The following JAKMIP1 variants were observed in gnomAD, a reference collection of about 807,000 sequenced individuals.
JAKMIP1 encodes janus kinase and microtubule-interacting protein 1.
Under a neutral mutation model 113.0 loss-of-function variants are expected in JAKMIP1, and 33 were observed. The observed-to-expected ratio is 0.29, with a 90% CI of 0.22 to 0.39. The LOEUF (loss-of-function observed/expected upper bound fraction) is 0.39, where lower values mean the gene tolerates loss of function less well. Among genes scored for constraint, JAKMIP1 ranks in the 10% least tolerant of loss-of-function variants. The pLI is 1.00. For missense variants in JAKMIP1, 813 were observed against 1,080.5 expected (o/e 0.75, Z 3.47); for synonymous variants, 480 against 459.9 (o/e 1.04, Z -0.56).
At position 6,118,816 on chromosome 4, in the gene JAKMIP1, AAG is replaced by A. The variant is rs774519097; in HGVS notation, c.-147-5821_-147-5820del. Among the ~76,000 whole-genome samples the A allele has an allele frequency of 9.7e-3, 1,481 of 152,282 alleles. 12 individuals carry two copies. Among genetic ancestry groups the A allele is most frequent in the Middle Eastern group, 0.031 (9 of 294 alleles). On this transcript the variant is annotated intron_variant, in intron 1 of 20. Coordinates refer to ENST00000409021, the MANE Select transcript of JAKMIP1 (RefSeq NM_001099433.2). ...GAGGCGGGCTGAATCGTGGCCCCCAAAGAAATACGATCACATCCTGCTCCCCA... is the reference window on the plus strand; with the variant it reads ...GAGGCGGGCTGAATCGTGGCCCCCAAAAATACGATCACATCCTGCTCCCCA...
chr4:6,110,746 G>C (rs1456402043), intron 2 of JAKMIP1, among the ~76,000 whole-genome samples: 1 of 149,886 alleles, frequency 6.7e-6, no homozygotes, highest in Non-Finnish European at 1.5e-5. Flanking sequence ...TGAGGCAGGG[G>C]GTTACACAGC....
chr4:6,034,348 G>C (rs192393353), intron 19 of JAKMIP1, among the ~76,000 whole-genome samples: 1 of 152,054 alleles, frequency 6.6e-6, no homozygotes, highest in East Asian at 1.9e-4. Context: ...TTCAGAGCCC[G>C]GCCGTCTGGT....
Position 6,084,958 on chromosome 4 carries a change from T to C in JAKMIP1, c.842A>G (p.His281Arg), listed in dbSNP as rs758012106. Residue 281 changes from histidine (H) to arginine (R), a missense_variant, in exon 5 of 21, where the codon CAT becomes CGT. Around this residue, in one of 2 missense-constraint regions of JAKMIP1, gnomAD observed 540 missense variants for 653.9 expected, o/e 0.83. Coordinates refer to ENST00000409021, the MANE Select transcript of JAKMIP1 (RefSeq NM_001099433.2). Reference sequence around the variant, plus strand: ...TCGCCTCACATCTCGCTCGTCCATATGTTGATCCTAAAAAAAAAAAAAAAA... The same window carrying C: ...TCGCCTCACATCTCGCTCGTCCATACGTTGATCCTAAAAAAAAAAAAAAAA... Reference protein sequence around the residue: ...MVELMGVQDQHMDERDVRRFQ... With the variant: ...MVELMGVQDQRMDERDVRRFQ... The C allele has an allele frequency of 2.4e-5, 37 of 1,528,158 alleles. No individual in the cohort carries two copies. Among genetic ancestry groups the C allele is most frequent in the Non-Finnish European group, 3.1e-5 (36 of 1,153,094 alleles). The allele number at this position is 1,528,158 out of a possible 1,614,324, so 94.7% of individuals were successfully genotyped here.
At chr4:6,074,718 C>A (rs116283250) in intron 8 of JAKMIP1, among the ~76,000 whole-genome samples, 1 of 152,164 alleles carries the variant, frequency 6.6e-6, no homozygotes, top group Non-Finnish European at 1.5e-5. Flanking sequence ...CCCTGTAAAC[C>A]CAGTTATGTG....
At chr4:6,104,002 T>C (rs992161970) in intron 3 of JAKMIP1, among the ~76,000 whole-genome samples, 2 of 152,244 alleles carry the variant, frequency 1.3e-5, no homozygotes, top group Non-Finnish European at 2.9e-5. Context: ...TTCTACTCTC[T>C]GGAGTTTAAT....
intron 19 of JAKMIP1, among the ~76,000 whole-genome samples, chr4:6,034,356 G>A (rs1247465812): frequency 2.0e-5 from 3 of 152,218 alleles, no homozygotes; most frequent in African/African-American, 7.2e-5. Flanking sequence ...CCGGCCGTCT[G>A]GTCCCAGTGT....
chr4:6,182,235 C>A (rs11946920), intron 1 of JAKMIP1, among the ~76,000 whole-genome samples: 1 of 151,516 alleles, frequency 6.6e-6, no homozygotes, highest in African/African-American at 2.4e-5. Context: ...CATAATGAGA[C>A]CTCATCTCTA....
In JAKMIP1 at chr4:6,040,670, T is replaced by C; in HGVS notation, c.2144A>G (p.Tyr715Cys). ...AGCCTGGTCAAGGGCTTGCTTCCGG[T>C]AGTCGAGCTCCTCTTCCAGGTAGCC... ...QKGYLEEELD[Y>C]RKQALDQAYL... The change falls in exon 18 of 21, where the codon TAC (tyrosine) becomes TGC (cysteine). Residue 715 changes from tyrosine (Y) to cysteine (C), a missense_variant. By Grantham distance (194) the Tyr-to-Cys change is radical (BLOSUM62 -2). Transcript: ENST00000409021. The surrounding 1 kb of genome is among the most constrained non-coding windows in gnomAD (Gnocchi z 5.8). 1 of 1,613,634 alleles carries C rather than the reference T, an allele frequency of 6.2e-7. No homozygotes were observed. The highest frequency in any genetic ancestry group is 8.5e-7 in the Non-Finnish European group (1 of 1,179,750).
chr4:6,112,955 G>A lies in JAKMIP1; in HGVS notation c.-105C>T, dbSNP rs1715201813. The A allele has an allele frequency of 1.4e-6, 2 of 1,454,210 alleles. No homozygotes were observed. Among genetic ancestry groups the A allele is most frequent in the Admixed American group, 4.6e-5 (2 of 43,068 alleles). The allele number at this position is 1,454,210 out of a possible 1,614,324, so 90.1% of individuals were successfully genotyped here. A position where few individuals can be genotyped will look rare whatever the true frequency, so the allele number is the denominator to read the frequency against. ...CTCCACCGTGCTAACCAGTCGCGCA[G>A]GACTCAGCTCGCCCTCCGAGGAAAC... is the stretch of plus-strand genomic sequence containing the variant. On this transcript the variant is annotated 5_prime_UTR_variant, in exon 2 of 21. Coordinates refer to ENST00000409021, the MANE Select transcript of JAKMIP1 (RefSeq NM_001099433.2).
At chr4:6,182,238 C>T (rs1353849487) in intron 1 of JAKMIP1, among the ~76,000 whole-genome samples, 2 of 151,512 alleles carry the variant, frequency 1.3e-5, no homozygotes, top group African/African-American at 4.9e-5. Context: ...AATGAGACCT[C>T]ATCTCTACAA....
chr4:6,121,673 A>G (rs780112913), intron 1 of JAKMIP1, among the ~76,000 whole-genome samples: 49 of 152,364 alleles, frequency 3.2e-4, no homozygotes, highest in Non-Finnish European at 5.9e-4. Flanking sequence ...CATCTACTCC[A>G]GTGATCGCAG....
At position 6,197,107 on chromosome 4, in the gene JAKMIP1, C is replaced by T. The variant is rs79034549; in HGVS notation, c.-148+3146G>A. On this transcript the variant is annotated intron_variant, in intron 1 of 20. Coordinates refer to ENST00000409021, the MANE Select transcript of JAKMIP1 (RefSeq NM_001099433.2). This position sits in a 1 kb window ranked among gnomAD's most constrained non-coding sequence, Gnocchi z 6.5. The stretch of plus-strand genomic sequence containing the variant: ...AAGATGAGATAACCCGAGGCAGAAG[C>T]GGGAGGTTAAGTGCTGATATTTCCT... 8.4e-3 allele frequency among the ~76,000 whole-genome samples: 1,283 copies of T among 152,250 alleles called. 12 individuals are homozygous for T. Among genetic ancestry groups the T allele is most frequent in the Non-Finnish European group, 0.015 (1,020 of 68,010 alleles).
chr4:6,027,506 G>A (rs1247942797), intron 20 of JAKMIP1, among the ~76,000 whole-genome samples: 1 of 152,202 alleles, frequency 6.6e-6, no homozygotes, highest in Admixed American at 6.5e-5. Flanking sequence ...AGGGGCCAGG[G>A]ATAGTGGTGG....
rs1719720925 is a variant in JAKMIP1 at position 6,076,548 on chromosome 4, C to G, written c.1302+2391G>C. On this transcript the variant is annotated intron_variant, in intron 8 of 20. Transcript: ENST00000409021. This position sits in a 1 kb window ranked among gnomAD's most constrained non-coding sequence, Gnocchi z 4.8. The stretch of plus-strand genomic sequence containing the variant: ...CAAATCACCAATGAGCCAGGCCACT[C>G]TAAGTGGCATTACCTGAACGCTGCA... Among the ~76,000 whole-genome samples, 1 of 152,134 alleles carries G rather than the reference C, an allele frequency of 6.6e-6. No homozygotes were observed. The highest frequency in any genetic ancestry group is 1.9e-4 in the East Asian group (1 of 5,198).
chr4:6,111,848 G>A (rs530199048), intron 2 of JAKMIP1, among the ~76,000 whole-genome samples: 194 of 152,288 alleles, frequency 1.3e-3, no homozygotes, highest in African/African-American at 4.3e-3. Flanking sequence ...AGAGCCCTGA[G>A]TCCAGACCAC....
Position 6,142,862 on chromosome 4 carries a change from T to C in JAKMIP1, c.-147-29865A>G, listed in dbSNP as rs565454753. 3.9e-5 allele frequency among the ~76,000 whole-genome samples: 6 copies of C among 152,190 alleles called. No individual in the cohort carries two copies. Among genetic ancestry groups the C allele is most frequent in the Non-Finnish European group, 7.4e-5 (5 of 67,990 alleles). ...TGCTTACAGGTGAGGAAACGGAGGA[T>C]GGAAAGGTTTAAGGGACATGGCCGG... On this transcript the variant is annotated intron_variant, in intron 1 of 20. Coordinates refer to ENST00000409021, the MANE Select transcript of JAKMIP1 (RefSeq NM_001099433.2). This position sits in a 1 kb window ranked among gnomAD's most constrained non-coding sequence, Gnocchi z 5.5.
rs1243859134 is a variant in JAKMIP1 at position 6,181,102 on chromosome 4, G to T, written c.-148+19151C>A. 6.6e-6 allele frequency among the ~76,000 whole-genome samples: 1 copy of T among 151,956 alleles called. No individual in the cohort carries two copies. Among genetic ancestry groups the T allele is most frequent in the Non-Finnish European group, 1.5e-5 (1 of 68,008 alleles). On this transcript the variant is annotated intron_variant, in intron 1 of 20. Coordinates refer to ENST00000409021, the MANE Select transcript of JAKMIP1 (RefSeq NM_001099433.2). The surrounding 1 kb of genome is among the most constrained non-coding windows in gnomAD (Gnocchi z 5.4). ...AAGCAAAGGGCAACTTCTTTTTGTG[G>T]TTTCTACATCCTTTCTATACTCACC...
chr4:6,060,541 A>C, intron 10 of JAKMIP1, 34 bp from the exon 11 acceptor site: 2 of 1,507,660 alleles, frequency 1.3e-6, no homozygotes, highest in Non-Finnish European at 1.8e-6. Flanking sequence ...TGAGCAGGTC[A>C]CCTCCAATGG....
chr4:6,163,279 C>T (rs995005747), intron 1 of JAKMIP1, among the ~76,000 whole-genome samples: 14 of 151,820 alleles, frequency 9.2e-5, no homozygotes, highest in African/African-American at 3.2e-4. Context: ...TTTCCAACAG[C>T]CCACCTCGTG....
Sources: allele counts gnomAD v4.1 joint callset (sites outside exome capture counted in the v4.1 genomes callset), GRCh38; gene constraint gnomAD v4.1.1; regional missense constraint gnomAD v4.1.1; non-coding constraint Gnocchi (gnomAD v3.1); transcripts MANE v1.5; gene names NCBI Gene and HGNC (gene_info 2026-07-23, HGNC 2026-07-21).